Variants in CNTNAP2 observed in about 807,000 individuals in gnomAD.
The protein encoded by CNTNAP2 is contactin associated protein 2.
Under a neutral mutation model 155.2 loss-of-function variants are expected in CNTNAP2, and 98 were observed. The ratio of observed to expected loss-of-function variants is 0.63; its 90% CI spans 0.54 to 0.75. CNTNAP2 has a LOEUF of 0.75. Among genes scored for constraint, CNTNAP2 ranks in the 30% least tolerant of loss-of-function variants. CNTNAP2 has a pLI of 0.00. For missense variants in CNTNAP2, 1,727 were observed against 1,688.1 expected, an observed-to-expected ratio of 1.02 and a Z score of -0.40; for synonymous variants, 651 against 631.2, an observed-to-expected ratio of 1.03 and a Z score of -0.47.
intron 22 of CNTNAP2, 33 bp from the exon 23 acceptor site, chr7:148,409,358 G>C (rs1446376063): frequency 6.7e-7 from 1 of 1,500,142 alleles, no homozygotes; most frequent in Non-Finnish European, 9.2e-7. Context: ...TAGTATACTT[G>C]ACTCTGACAC....
intron 13 of CNTNAP2, chr7:147,831,850 T>G (rs576738836): frequency 6.6e-6 from 1 of 152,160 alleles, no homozygotes; most frequent in African/African-American, 2.4e-5. Context: ...GAATGACACA[T>G]AAATGCATAA....
chr7:146,750,028 G>A (rs1052553682), intron 1 of CNTNAP2, among the ~76,000 whole-genome samples: 13 of 152,166 alleles, frequency 8.5e-5, no homozygotes, highest in South Asian at 6.2e-4. Flanking sequence ...AGATCTGTGA[G>A]GTCCTGGAAT....
chr7:146,631,803 A>G (rs190579027), intron 1 of CNTNAP2, among the ~76,000 whole-genome samples: 1 of 152,124 alleles, frequency 6.6e-6, no homozygotes, highest in Non-Finnish European at 1.5e-5. Flanking sequence ...ACTTACATAC[A>G]AACTCACTTT....
chr7:146,504,911 T>C (rs530656305), intron 1 of CNTNAP2, among the ~76,000 whole-genome samples: 5 of 152,296 alleles, frequency 3.3e-5, no homozygotes, highest in Admixed American at 3.3e-4. Flanking sequence ...GGTGTGGTGA[T>C]AACATATTAT....
intron 1 of CNTNAP2, among the ~76,000 whole-genome samples, chr7:146,127,462 C>A (rs189326727): frequency 6.6e-6 from 1 of 152,052 alleles, no homozygotes; most frequent in African/African-American, 2.4e-5. Flanking sequence ...AGAAGGAAGG[C>A]GAGAAATATA....
At chr7:147,238,771 T>C (rs889220061) in intron 8 of CNTNAP2, among the ~76,000 whole-genome samples, 2 of 152,214 alleles carry the variant, frequency 1.3e-5, no homozygotes, top group Non-Finnish European at 2.9e-5. Flanking sequence ...CATTAACCAT[T>C]TATTCTCCCT....
At chr7:148,091,748 A>C (rs527295732) in intron 15 of CNTNAP2, among the ~76,000 whole-genome samples, 1 of 152,174 alleles carries the variant, frequency 6.6e-6, no homozygotes, top group Non-Finnish European at 1.5e-5. Flanking sequence ...AACTGTTTCC[A>C]TGGAACATCT....
At chr7:146,368,480 T>C (rs917432521) in intron 1 of CNTNAP2, among the ~76,000 whole-genome samples, 6 of 152,146 alleles carry the variant, frequency 3.9e-5, no homozygotes, top group African/African-American at 1.4e-4. Flanking sequence ...TAGAGCTGGC[T>C]CTGCCAGTCA....
intron 18 of CNTNAP2, among the ~76,000 whole-genome samples, chr7:148,189,205 A>T (rs931756037): frequency 6.6e-6 from 1 of 152,186 alleles, no homozygotes; most frequent in Non-Finnish European, 1.5e-5. Flanking sequence ...TTTTATGAAG[A>T]TAATAAGCTA....
intron 16 of CNTNAP2, among the ~76,000 whole-genome samples, chr7:148,143,396 A>G (rs1805113618): frequency 6.6e-6 from 1 of 152,244 alleles, no homozygotes; most frequent in Non-Finnish European, 1.5e-5. Context: ...AAAGTTGAGT[A>G]GACCAGGTGT....
intron 1 of CNTNAP2, among the ~76,000 whole-genome samples, chr7:146,772,750 G>A (rs1802317869): frequency 1.3e-5 from 2 of 152,128 alleles, no homozygotes; most frequent in African/African-American, 4.8e-5. Context: ...AAAGAGATAA[G>A]ACTAGTGTTG....
intron 9 of CNTNAP2, among the ~76,000 whole-genome samples, chr7:147,377,442 T>A (rs144959425): frequency 4.4e-4 from 67 of 151,908 alleles, no homozygotes; most frequent in African/African-American, 1.6e-3. Context: ...GTTTATGTAG[T>A]CAATATAGTT....
intron 3 of CNTNAP2, among the ~76,000 whole-genome samples, chr7:147,005,628 G>A (rs1798511393): frequency 6.6e-6 from 1 of 152,024 alleles, no homozygotes; most frequent in African/African-American, 2.4e-5. Flanking sequence ...ATGGTAAGGT[G>A]ACCAAGAAAA....
chr7:146,650,150 A>T (rs1235481088), intron 1 of CNTNAP2, among the ~76,000 whole-genome samples: 1 of 152,140 alleles, frequency 6.6e-6, no homozygotes, highest in Non-Finnish European at 1.5e-5. Context: ...TTCCTCAAGG[A>T]TCTAGAACCA....
At chr7:146,922,999 C>T (rs1372315311) in intron 3 of CNTNAP2, among the ~76,000 whole-genome samples, 1 of 152,140 alleles carries the variant, frequency 6.6e-6, no homozygotes, top group Non-Finnish European at 1.5e-5. Context: ...TTTTCAATCA[C>T]ATTTTAAGAC....
intron 3 of CNTNAP2, among the ~76,000 whole-genome samples, chr7:146,966,136 T>G (rs2129231784): frequency 6.6e-6 from 1 of 152,326 alleles, no homozygotes; most frequent in Admixed American, 6.5e-5. Context: ...GGATTGTCAT[T>G]GTCTCTGTAC....
chr7:147,961,148 A>C (rs1311263395), intron 14 of CNTNAP2, among the ~76,000 whole-genome samples: 1 of 152,016 alleles, frequency 6.6e-6, no homozygotes, highest in Non-Finnish European at 1.5e-5. Context: ...TTTTTCATCT[A>C]GTAATTAATT....
intron 14 of CNTNAP2, among the ~76,000 whole-genome samples, chr7:147,974,073 AT>A (rs34244426): frequency 0.13 from 19,630 of 152,128 alleles, 1,998 homozygotes; most frequent in African/African-American, 0.29. Context: ...AGTATTAAAA[AT>A]TTTTTTAAGT....
chr7:147,272,710 T>C (rs1029613511), intron 8 of CNTNAP2, among the ~76,000 whole-genome samples: 1 of 150,178 alleles, frequency 6.7e-6, no homozygotes, highest in Non-Finnish European at 1.5e-5. Context: ...GGTTTCACCG[T>C]GTTAGCCAGG....
Sources: allele counts gnomAD v4.1 joint callset (sites outside exome capture counted in the v4.1 genomes callset), GRCh38; gene constraint gnomAD v4.1.1; transcripts MANE v1.5; gene names NCBI Gene and HGNC (gene_info 2026-07-23, HGNC 2026-07-21).